Variants in RP1 observed in about 807,000 individuals in gnomAD.
RP1 encodes the protein oxygen-regulated protein 1.
In RP1, 16 loss-of-function variants were observed where a neutral mutation model predicts 14.8. The ratio of observed to expected loss-of-function variants is 1.08; its 90% CI spans 0.73 to 1.65. The LOEUF (loss-of-function observed/expected upper bound fraction) is 1.65. Among genes scored for constraint, RP1 ranks in the 40% most tolerant of loss-of-function variants. The pLI is 0.00. For synonymous variants in RP1, 876 were observed against 883.6 expected (o/e 0.99, Z 0.15); for missense variants, 2,631 against 2,535.0 (o/e 1.04, Z -0.81).
At chr8:54,717,409 T>C (rs1244274692) in intron 15 of RP1, among the ~76,000 whole-genome samples, 1 of 152,178 alleles carries the variant, frequency 6.6e-6, no homozygotes, top group African/African-American at 2.4e-5. Flanking sequence ...TTCACAAATA[T>C]TATCCTTACT....
At chr8:54,673,758 A>T (rs1330911181) in intron 7 of RP1, 1 of 1,132,198 alleles carries the variant, frequency 8.8e-7, no homozygotes, top group Non-Finnish European at 1.3e-6. Flanking sequence ...AACAACAACA[A>T]CAACAACAAC....
intron 12 of RP1, among the ~76,000 whole-genome samples, chr8:54,682,001 C>T (rs966583275): frequency 3.9e-5 from 6 of 152,026 alleles, no homozygotes; most frequent in Admixed American, 6.6e-5. Context: ...CTGCAGTGAA[C>T]GTACGCAGGC....
chr8:54,576,043 C>CTTTT (rs11443511), intron 1 of RP1, among the ~76,000 whole-genome samples: 5 of 140,026 alleles, frequency 3.6e-5, no homozygotes, highest in Admixed American at 1.4e-4. Context: ...CTGTCAGACT[C>CTTTT]TTTTTTTTTT....
intron 1 of RP1, among the ~76,000 whole-genome samples, chr8:54,606,469 C>T (rs1216652107): frequency 6.6e-6 from 1 of 152,010 alleles, no homozygotes; most frequent in Non-Finnish European, 1.5e-5. Flanking sequence ...TCTGGCTGCC[C>T]TTAACATTTA....
chr8:54,711,320 C>T (rs867199304), intron 15 of RP1, among the ~76,000 whole-genome samples: 3 of 152,068 alleles, frequency 2.0e-5, no homozygotes, highest in African/African-American at 7.2e-5. Flanking sequence ...TTTCTAGCTT[C>T]CTATTATTTC....
chr8:54,580,316 T>C (rs1804757727), intron 1 of RP1, among the ~76,000 whole-genome samples: 1 of 141,704 alleles, frequency 7.1e-6, no homozygotes, highest in African/African-American at 2.7e-5. Context: ...TTTTTTTTTT[T>C]TTTTTTTTTG....
intron 19 of RP1, among the ~76,000 whole-genome samples, chr8:54,750,955 T>A (rs1809353513): frequency 6.6e-6 from 1 of 152,228 alleles, no homozygotes; most frequent in Non-Finnish European, 1.5e-5. Context: ...CAGCCAGCGG[T>A]GGCAACCTGC....
chr8:54,565,049 C>T (rs1804371902), intron 1 of RP1, among the ~76,000 whole-genome samples: 1 of 152,166 alleles, frequency 6.6e-6, no homozygotes, highest in Non-Finnish European at 1.5e-5. Flanking sequence ...AGCCACCATG[C>T]CTGGCACAGA....
upstream of RP1, among the ~76,000 whole-genome samples, chr8:54,615,124 T>C (rs1030536034): frequency 1.3e-5 from 2 of 152,194 alleles, no homozygotes; most frequent in African/African-American, 4.8e-5. Context: ...GAGGTTTGTA[T>C]CAAAGCTGGA....
chr8:54,652,552 G>A (rs1240597850), intron 4 of RP1, among the ~76,000 whole-genome samples: 2 of 151,788 alleles, frequency 1.3e-5, no homozygotes, highest in Non-Finnish European at 2.9e-5. Flanking sequence ...TTAAAGTTGG[G>A]TATTGAAGTC....
chr8:54,688,335 T>C (rs1321216728), intron 12 of RP1, among the ~76,000 whole-genome samples: 1 of 152,194 alleles, frequency 6.6e-6, no homozygotes, highest in Non-Finnish European at 1.5e-5. Flanking sequence ...CATTTGTCTA[T>C]TTTGGCTTTT....
chr8:54,652,774 T>A, intron 4 of RP1: 1 of 1,533,340 alleles, frequency 6.5e-7, no homozygotes, highest in Non-Finnish European at 8.7e-7. Context: ...CCTTGGCTCT[T>A]CATAGATAAC....
rs182070807 is a variant in RP1, at chr8:54,697,141, C to T, written c.1718-2326C>T. Reference sequence around the variant, plus strand: ...AGCTCATCTAGACCTAGGTGCCGAACAGCACTACATTTTTATCAATGAAGT... The same window carrying T: ...AGCTCATCTAGACCTAGGTGCCGAATAGCACTACATTTTTATCAATGAAGT... On this transcript the variant is annotated intron_variant, in intron 12 of 22. Coordinates refer to the RP1 transcript ENST00000636932. 225 of 1,052,504 alleles carry T rather than the reference C, an allele frequency of 2.1e-4. 1 individual carries two copies. Among genetic ancestry groups the T allele is most frequent in the Admixed American group, 3.8e-4 (20 of 52,990 alleles). 65.2% of individuals were successfully genotyped at this position (1,052,504 alleles called of 1,614,324 possible).
intron 23 of RP1, among the ~76,000 whole-genome samples, chr8:54,776,316 C>A (rs1000183462): frequency 3.9e-5 from 6 of 152,158 alleles, no homozygotes; most frequent in Non-Finnish European, 7.3e-5. Flanking sequence ...ATCCTCCTAC[C>A]TCGGCTTCCT....
chr8:54,624,867 G>A lies in RP1; in HGVS notation c.985G>A (p.Gly329Ser), dbSNP rs747898942. The part of the protein sequence containing the change: ...IEKSIIFNQD[G>S]TMTVEMKVRF... ...GAAATCAATTATTTTTAATCAAGAC[G>A]GCACTATGACAGTTGAGATGAAAGT... Residue 329 changes from glycine to serine, a missense_variant, in exon 4 of 4, where the codon GGC (glycine) becomes AGC (serine). Gly to Ser is a moderately conservative substitution (Grantham distance 56, BLOSUM62 0). Coordinates refer to ENST00000220676, the MANE Select transcript of RP1 (RefSeq NM_006269.2). 8.7e-6 allele frequency: 14 copies of A among 1,613,408 alleles called. No individual in the cohort carries two copies. Among genetic ancestry groups the A allele is most frequent in the African/African-American group, 2.7e-5 (2 of 74,816 alleles).
At chr8:54,603,881 C>A (rs962187422) in intron 1 of RP1, among the ~76,000 whole-genome samples, 3 of 152,074 alleles carry the variant, frequency 2.0e-5, no homozygotes, top group African/African-American at 7.2e-5. Flanking sequence ...TTTTTGTACA[C>A]TGATTTTGTA....
At chr8:54,667,152 C>T (rs1183173560) in intron 7 of RP1, among the ~76,000 whole-genome samples, 4 of 151,952 alleles carry the variant, frequency 2.6e-5, no homozygotes, top group Non-Finnish European at 5.9e-5. Flanking sequence ...ATCCCCATGC[C>T]TGGGAAGAGG....
At chr8:54,584,559 T>A (rs1212751101) in intron 1 of RP1, among the ~76,000 whole-genome samples, 1 of 152,226 alleles carries the variant, frequency 6.6e-6, no homozygotes, top group Non-Finnish European at 1.5e-5. Context: ...ATATCCTTGT[T>A]AACTTTCTGT....
At chr8:54,663,237 G>A (rs967810222) in intron 6 of RP1, among the ~76,000 whole-genome samples, 1 of 152,030 alleles carries the variant, frequency 6.6e-6, no homozygotes, top group Non-Finnish European at 1.5e-5. Context: ...TTGTGTTCAA[G>A]CAACCCTTAT....
Sources: allele counts gnomAD v4.1 joint callset (sites outside exome capture counted in the v4.1 genomes callset), GRCh38; gene constraint gnomAD v4.1.1; transcripts MANE v1.5; gene names NCBI Gene and HGNC (gene_info 2026-07-23, HGNC 2026-07-21).